TAOK1: variants seen among roughly 807,000 people sequenced by gnomAD.
TAOK1 encodes TAO kinase 1.
In TAOK1, 21 loss-of-function variants were observed where a neutral mutation model predicts 138.3. The ratio of observed to expected loss-of-function variants is 0.15; its 90% confidence interval spans 0.11 to 0.22. The LOEUF (loss-of-function observed/expected upper bound fraction) is 0.22. Ranked by LOEUF, TAOK1 falls within the 10% of genes least tolerant of loss-of-function variation. TAOK1 has a pLI of 1.00. For synonymous variants in TAOK1, 361 were observed against 398.4 expected (o/e 0.91, Z 1.12); for missense variants, 651 against 1,227.7 (o/e 0.53, Z 7.02).
intron 8 of TAOK1, among the ~76,000 whole-genome samples, chr17:29,486,245 C>T (rs557682857): frequency 2.0e-5 from 3 of 152,104 alleles, no homozygotes; most frequent in Admixed American, 6.6e-5. Context: ...GCTAAGATCG[C>T]GCCACTGCAC....
At chr17:29,528,805 AC>A (rs2032054567) in intron 17 of TAOK1, among the ~76,000 whole-genome samples, 1 of 132,458 alleles carries the variant, frequency 7.5e-6, no homozygotes, top group African/African-American at 2.9e-5. Context: ...ACACCACTGC[AC>A]TCCAGCCTGA....
intron 1 of TAOK1, among the ~76,000 whole-genome samples, chr17:29,444,549 A>T (rs2030028984): frequency 6.6e-6 from 1 of 152,186 alleles, no homozygotes; most frequent in Non-Finnish European, 1.5e-5. Flanking sequence ...TCTTCTAACA[A>T]TCCAAACAAT....
chr17:29,530,524 G>C lies in TAOK1; in HGVS notation c.2266G>C (p.Val756Leu). ...TACACCAAAGAGTGAGCACAAAGCT[G>C]TTCTGAAACGGCTCAAGGAGGAACA... ...ETTPKSEHKAVLKRLKEEQTR... is the reference protein window; with the variant it reads ...ETTPKSEHKALLKRLKEEQTR... Residue 756 changes from valine (V) to leucine (L), a missense_variant, in exon 18 of 20, where the codon GTT (valine) becomes CTT (leucine). Val to Leu is a conservative substitution (Grantham distance 32, BLOSUM62 1). Around this residue, in one of 8 missense-constraint regions of TAOK1, gnomAD observed 258 missense variants for 548.9 expected, o/e 0.47. Coordinates refer to ENST00000261716, the MANE Select transcript of TAOK1 (RefSeq NM_020791.4). 1 of 1,614,178 alleles carries C rather than the reference G, an allele frequency of 6.2e-7. No individual in the cohort carries two copies. The highest frequency in any genetic ancestry group is 1.1e-5 in the South Asian group (1 of 91,088).
Position 29,475,725 on chromosome 17 carries a change from A to G in TAOK1, c.260A>G (p.Asn87Ser). ...TTTCTACAAAGAATAAAACATCCCA[A>G]CAGTATAGAATACAAAGGCTGTTAT... ...VKFLQRIKHP[N>S]SIEYKGCYLR... The change falls in exon 4 of 20, where the codon AAC becomes AGC. Residue 87 changes from asparagine (N) to serine (S), a missense_variant. Physicochemically the swap from Asn to Ser is conservative, Grantham distance 46. This residue lies in a region of TAOK1 where 116 missense variants were observed against 213.9 expected (regional missense o/e 0.54). Coordinates refer to ENST00000261716, the MANE Select transcript of TAOK1 (RefSeq NM_020791.4). 6.2e-7 allele frequency: 1 copy of G among 1,613,466 alleles called. No homozygotes were observed. The highest frequency in any genetic ancestry group is 8.5e-7 in the Non-Finnish European group (1 of 1,179,794).
intron 1 of TAOK1, among the ~76,000 whole-genome samples, chr17:29,425,904 G>A (rs1440733018): frequency 7.2e-5 from 11 of 151,902 alleles, no homozygotes; most frequent in Admixed American, 4.6e-4. Context: ...TTTTTGAGAC[G>A]GAGTCTCGCT....
At chr17:29,492,702 GAATCGCTTGAACCTGGGAGGCGGAGGT>G in intron 10 of TAOK1, among the ~76,000 whole-genome samples, 1 of 152,308 alleles carries the variant, frequency 6.6e-6, no homozygotes, top group East Asian at 1.9e-4. Flanking sequence ...TGAGGCAGGA[GAATCGCTTGAACCTGGGAGGCGGAGGT>G]AGTGGTGAGC....
chr17:29,544,535 A>G lies in TAOK1; in HGVS notation c.*1513A>G, dbSNP rs891638500. On this transcript the variant is annotated 3_prime_UTR_variant, in exon 20 of 20. Coordinates refer to ENST00000261716, the MANE Select transcript of TAOK1 (RefSeq NM_020791.4). Reference sequence around the variant, plus strand: ...AGTGGTCAGGGAATCTCTTGACGAAAGCTAACTCTTATTTTTCAGGGGGCA... The same window carrying G: ...AGTGGTCAGGGAATCTCTTGACGAAGGCTAACTCTTATTTTTCAGGGGGCA... 6.6e-6 allele frequency: 1 copy of G among 152,058 alleles called. No homozygotes were observed. The highest frequency in any genetic ancestry group is 1.5e-5 in the Non-Finnish European group (1 of 67,996). 9.4% of individuals were successfully genotyped at this position (152,058 alleles called of 1,614,324 possible).
At chr17:29,482,473 T>C (rs2031084478) in intron 8 of TAOK1, among the ~76,000 whole-genome samples, 185 bp downstream of exon 8, 1 of 152,210 alleles carries the variant, frequency 6.6e-6, no homozygotes, top group Admixed American at 6.5e-5. Context: ...TTACCTATAT[T>C]ATATTTGCTC....
chr17:29,428,338 C>T (rs966286566), intron 1 of TAOK1, among the ~76,000 whole-genome samples: 1 of 152,114 alleles, frequency 6.6e-6, no homozygotes, highest in Non-Finnish European at 1.5e-5. Flanking sequence ...TGCTGTAGAA[C>T]AGACAAGAGG....
rs1466273348 is a variant in TAOK1 at position 29,491,851 on chromosome 17, G to C, written c.817G>C (p.Glu273Gln). The stretch of plus-strand genomic sequence containing the variant: ...AATCCCTCAAGATCGACCTACATCA[G>C]AGGAACTTTTAAAGGTCAGTTCTAT... ...QKIPQDRPTSEELLKHIFVLR... is the reference protein window; with the variant it reads ...QKIPQDRPTSQELLKHIFVLR... The change falls in exon 10 of 20, where the codon GAG becomes CAG. Residue 273 changes from glutamate to glutamine, a missense_variant. By Grantham distance (29) the Glu-to-Gln change is conservative. Transcript: ENST00000261716. 6.2e-7 allele frequency: 1 copy of C among 1,612,662 alleles called. No individual in the cohort carries two copies. The highest frequency in any genetic ancestry group is 8.5e-7 in the Non-Finnish European group (1 of 1,179,080).
At chr17:29,488,513 G>T (rs2031224219) in intron 8 of TAOK1, among the ~76,000 whole-genome samples, 1 of 107,592 alleles carries the variant, frequency 9.3e-6, no homozygotes, top group Admixed American at 9.8e-5. Context: ...CGGAGGTAGT[G>T]GTGAGCCAAG....
intron 1 of TAOK1, among the ~76,000 whole-genome samples, chr17:29,402,073 G>A (rs1343361047): frequency 1.3e-5 from 2 of 152,142 alleles, no homozygotes; most frequent in South Asian, 2.1e-4. Flanking sequence ...TGATTCATCT[G>A]TAGTCTATTT....
intron 2 of TAOK1, among the ~76,000 whole-genome samples, chr17:29,456,355 G>GA (rs201204953): frequency 1.5e-4 from 22 of 146,712 alleles, no homozygotes; most frequent in South Asian, 2.1e-4. Flanking sequence ...CTGTCTCCGG[G>GA]AAAAAAAAAA....
chr17:29,541,255 G>A (rs1047861195), intron 19 of TAOK1, among the ~76,000 whole-genome samples: 5 of 150,892 alleles, frequency 3.3e-5, no homozygotes, highest in African/African-American at 9.7e-5. Context: ...GATTACAGAC[G>A]TGTGCCACCG....
intron 1 of TAOK1, among the ~76,000 whole-genome samples, chr17:29,402,431 T>A (rs576364649): frequency 2.4e-4 from 36 of 152,234 alleles, no homozygotes; most frequent in African/African-American, 8.7e-4. Context: ...GCCTACCAAG[T>A]AGCTGAGACT....
intron 8 of TAOK1, among the ~76,000 whole-genome samples, chr17:29,484,156 T>G (rs1200153960): frequency 6.6e-6 from 1 of 152,224 alleles, no homozygotes; most frequent in Non-Finnish European, 1.5e-5. Flanking sequence ...TTATTCTACT[T>G]CATAAAAGAG....
intron 8 of TAOK1, among the ~76,000 whole-genome samples, chr17:29,485,319 G>T (rs559579104): frequency 1.3e-5 from 2 of 152,210 alleles, no homozygotes; most frequent in African/African-American, 4.8e-5. Context: ...TACAAAAGGA[G>T]CGAAAAGAAA....
chr17:29,451,457 G>A lies in TAOK1; in HGVS notation c.-92G>A. 1 of 1,427,884 alleles carries A rather than the reference G, an allele frequency of 7.0e-7. No homozygotes were observed. 88.5% of individuals were successfully genotyped at this position (1,427,884 alleles called of 1,614,324 possible). On this transcript the variant is annotated splice_region_variant and 5_prime_UTR_variant, in exon 2 of 20. Coordinates refer to ENST00000261716, the MANE Select transcript of TAOK1 (RefSeq NM_020791.4). Reference sequence around the variant, plus strand: ...TTTTTTTTTCTATTTTTCTACAGTAGTTTATGCCAACGTGACTTCATTCAT... The same window carrying A: ...TTTTTTTTTCTATTTTTCTACAGTAATTTATGCCAACGTGACTTCATTCAT...
In TAOK1 at chr17:29,461,295, AC is replaced by A. The variant is rs907962423; in HGVS notation, c.133-5849del. Among the ~76,000 whole-genome samples, 21 of 152,288 alleles carry A rather than the reference AC, an allele frequency of 1.4e-4. 1 individual carries two copies. The South Asian group carries it at 3.3e-3, about 24-fold the overall frequency. ...TGAATTTTCTACATACGGTAATTGT[AC>A]TTTGGTTATTCATGAGAATGTTCTT... On this transcript the variant is annotated intron_variant, in intron 2 of 19. Transcript: ENST00000261716.
Sources: allele counts gnomAD v4.1 joint callset (sites outside exome capture counted in the v4.1 genomes callset), GRCh38; gene constraint gnomAD v4.1.1; regional missense constraint gnomAD v4.1.1; transcripts MANE v1.5; gene names NCBI Gene and HGNC (gene_info 2026-07-23, HGNC 2026-07-21).